The following PIGW variants were observed in gnomAD, a reference collection of about 807,000 sequenced individuals.
PIGW encodes the protein glucosaminyl-phosphatidylinositol-acyltransferase PIGW.
A neutral mutation model predicts 34.0 loss-of-function variants in PIGW; 23 were observed. The ratio of observed to expected loss-of-function variants is 0.68; its 90% CI spans 0.49 to 0.96. PIGW has a LOEUF of 0.96. Ranked by LOEUF, PIGW falls within the 40% of genes least tolerant of loss-of-function variation. The probability of loss-of-function intolerance (pLI) is 0.00; values close to 1 mark genes in which losing one functional copy is unlikely to be tolerated. For synonymous variants in PIGW, 225 were observed against 225.2 expected (o/e 1.00, Z 0.01); for missense variants, 574 against 586.3 (o/e 0.98, Z 0.22).
chr17:36,538,342 T>G lies in PIGW; in HGVS notation c.1241T>G (p.Ile414Ser), dbSNP rs201893415. 1 of 1,614,190 alleles carries G rather than the reference T, an allele frequency of 6.2e-7. No individual in the cohort carries two copies. Among genetic ancestry groups the G allele is most frequent in the Admixed American group, 1.7e-5 (1 of 60,020 alleles). ...CTAGTACCATGTTCTTGGAAACTTA[T>G]CCAGTCACCTGTTACAAATAAAAAG... ...GALVPCSWKL[I>S]QSPVTNKKHS... is the part of the protein sequence containing the mutation. Residue 414 changes from isoleucine to serine, a missense_variant, in exon 2 of 2, where the codon ATC becomes AGC. Physicochemically the swap from Ile to Ser is moderately radical, Grantham distance 142. Transcript: ENST00000614443.
At chr17:36,537,013 A>G (rs765156151) in intron 1 of PIGW, 81 bp from the exon 2 acceptor site, 12 of 1,212,354 alleles carry the variant, frequency 9.9e-6, no homozygotes, top group African/African-American at 3.1e-5. Context: ...TCTAGTAATA[A>G]GAGTAAAATT....
At position 36,537,456 on chromosome 17, in the gene PIGW, A is replaced by G. The variant is rs755060409; in HGVS notation, c.355A>G (p.Ile119Val). 2.5e-6 allele frequency: 4 copies of G among 1,613,880 alleles called. No individual in the cohort carries two copies. The highest frequency in any genetic ancestry group is 1.3e-5 in the African/African-American group (1 of 74,878). Residue 119 changes from isoleucine (I) to valine (V), a missense_variant, in exon 2 of 2, where the codon ATC becomes GTC. Coordinates refer to ENST00000614443, the MANE Select transcript of PIGW (RefSeq NM_001346754.2). ...AAAAATCCTTGAAAAATTCTTGAAC[A>G]TCAGTCTAGAATCAGAATACAATCC... ...FLKILEKFLN[I>V]SLESEYNPAI...
rs2074158884 is a variant in PIGW, at chr17:36,537,510, A to G, written c.409A>G (p.Ser137Gly). 1 of 1,613,994 alleles carries G rather than the reference A, an allele frequency of 6.2e-7. No individual in the cohort carries two copies. Among genetic ancestry groups the G allele is most frequent in the South Asian group, 1.1e-5 (1 of 91,086 alleles). The change falls in exon 2 of 2, where the codon AGT (serine) becomes GGT (glycine). Residue 137 changes from serine (S) to glycine (G), a missense_variant. Ser to Gly is a moderately conservative substitution (Grantham distance 56). Coordinates refer to ENST00000614443, the MANE Select transcript of PIGW (RefSeq NM_001346754.2). ...PAISCFRVIT[S>G]AFTAIAILAV... is the part of the protein sequence containing the mutation. ...CATCTCCTGTTTCCGTGTAATTACC[A>G]GTGCGTTTACTGCTATTGCTATTTT... is the stretch of plus-strand genomic sequence containing the variant.
In PIGW at chr17:36,538,185, G is replaced by A; in HGVS notation, c.1084G>A (p.Glu362Lys). 1 of 1,613,702 alleles carries A rather than the reference G, an allele frequency of 6.2e-7. No homozygotes were observed. The highest frequency in any genetic ancestry group is 1.7e-5 in the Admixed American group (1 of 60,028). ...TCTTTACGTAGTTCAAGTAAATGTA[G>A]AAGCAGTATCTCGAAGAATGGCAAA... ...ISLYVVQVNV[E>K]AVSRRMANLA... The change falls in exon 2 of 2, where the codon GAA (glutamate) becomes AAA (lysine). Residue 362 changes from glutamate (E) to lysine (K), a missense_variant. Transcript: ENST00000614443.
Position 36,538,748 on chromosome 17 carries a change from T to A in PIGW, c.*132T>A. 1 of 780,712 alleles carries A rather than the reference T, an allele frequency of 1.3e-6. No homozygotes were observed. The highest frequency in any genetic ancestry group is 2.1e-5 in the South Asian group (1 of 47,252). The allele number at this position is 780,712 out of a possible 1,614,324, so 48.4% of individuals were successfully genotyped here. A position where few individuals can be genotyped will look rare whatever the true frequency, so the allele number is the denominator to read the frequency against. ...ATAGTTTCAGTCATCTAAACAGCAG[T>A]GATGCTTAATTATTTTTTTTTTTGA... On this transcript the variant is annotated 3_prime_UTR_variant, in exon 2 of 2. Transcript: ENST00000614443.
At position 36,535,060 on chromosome 17, in the gene PIGW, A is replaced by G. The variant is rs2074054743; in HGVS notation, c.-541A>G. 6.6e-6 allele frequency: 1 copy of G among 152,194 alleles called. No homozygotes were observed. The highest frequency in any genetic ancestry group is 6.5e-5 in the Admixed American group (1 of 15,282). The allele number at this position is 152,194 out of a possible 1,614,324, so 9.4% of individuals were successfully genotyped here. A position where few individuals can be genotyped will look rare whatever the true frequency, so the allele number is the denominator to read the frequency against. On this transcript the variant is annotated 5_prime_UTR_variant, in exon 1 of 2. It removes an upstream start codon present in the reference 5' UTR. Coordinates refer to ENST00000614443, the MANE Select transcript of PIGW (RefSeq NM_001346754.2). ...GCTTGCTGGCTTCAACTACGGTGAGATGTTTTGCGACCCTGGGGTAAAATG... is the reference window on the plus strand; with the variant it reads ...GCTTGCTGGCTTCAACTACGGTGAGGTGTTTTGCGACCCTGGGGTAAAATG...
chr17:36,538,509 C>G lies in PIGW; in HGVS notation c.1408C>G (p.His470Asp). The change falls in exon 2 of 2, where the codon CAC (histidine) becomes GAC (aspartate). Residue 470 changes from histidine (H) to aspartate (D), a missense_variant. Transcript: ENST00000614443. The stretch of plus-strand genomic sequence containing the variant: ...GATCAACCTGATGGTAGATACATTA[C>G]ACAGCAGTACCTTGTGGGCCTTATT... ...GLINLMVDTL[H>D]SSTLWALFVV... 6.2e-7 allele frequency: 1 copy of G among 1,613,906 alleles called. No individual in the cohort carries two copies. Among genetic ancestry groups the G allele is most frequent in the Non-Finnish European group, 8.5e-7 (1 of 1,179,810 alleles).
At chr17:36,536,335 A>G (rs2074121197) in intron 1 of PIGW, among the ~76,000 whole-genome samples, 1 of 152,106 alleles carries the variant, frequency 6.6e-6, no homozygotes, top group South Asian at 2.1e-4. Context: ...AAGGCCCCCA[A>G]CTTCAAAATG....
rs775786836 is a variant in PIGW at position 36,537,743 on chromosome 17, C to G, written c.642C>G (p.Ile214Met). Reference sequence around the variant, plus strand: ...TTTGGCCATTAGTCTTCCTAGGAATCGGACGATTAGCCATTATAAAATCAA... The same window carrying G: ...TTTGGCCATTAGTCTTCCTAGGAATGGGACGATTAGCCATTATAAAATCAA... The part of the protein sequence containing the change: ...YSVWPLVFLG[I>M]GRLAIIKSIG... The change falls in exon 2 of 2, where the codon ATC becomes ATG. Residue 214 changes from isoleucine (I) to methionine (M), a missense_variant. Transcript: ENST00000614443. 2 of 1,613,968 alleles carry G rather than the reference C, an allele frequency of 1.2e-6. No individual in the cohort carries two copies. Among genetic ancestry groups the G allele is most frequent in the East Asian group, 2.2e-5 (1 of 44,894 alleles).
chr17:36,537,218 G>A lies in PIGW; in HGVS notation c.117G>A (p.Leu39=). 1 of 1,614,170 alleles carries A rather than the reference G, an allele frequency of 6.2e-7. No individual in the cohort carries two copies. Among genetic ancestry groups the A allele is most frequent in the Non-Finnish European group, 8.5e-7 (1 of 1,180,024 alleles). ...TCTGTATCCTGTGCAGAGGGTTCCT[G>A]ATCATTTTCTCACAGTACTTGTGTT... ...PAFCILCRGF[L]IIFSQYLCSF... is the part of the protein sequence containing the mutation. The change falls in exon 2 of 2, where the codon CTG becomes CTA. Residue 39 remains leucine (L), a synonymous_variant. Transcript: ENST00000614443.
chr17:36,535,877 C>T (rs547386342), intron 1 of PIGW, among the ~76,000 whole-genome samples: 3 of 151,596 alleles, frequency 2.0e-5, no homozygotes, highest in African/African-American at 7.3e-5. Flanking sequence ...CCTCCCAAAG[C>T]GCTAGGATTG....
Position 36,537,140 on chromosome 17 carries a change from C to A in PIGW, c.39C>A (p.Asn13Lys). 1 of 1,609,906 alleles carries A rather than the reference C, an allele frequency of 6.2e-7. No individual in the cohort carries two copies. The highest frequency in any genetic ancestry group is 1.7e-5 in the Admixed American group (1 of 58,972). ...AGATGAAGGAAGCTTTTGTCAGTAA[C>A]CTCAATGGAACCACCGTGCTGGAAA... ...EKQMKEAFVSNLNGTTVLEIT... is the reference protein window; with the variant it reads ...EKQMKEAFVSKLNGTTVLEIT... Residue 13 changes from asparagine to lysine, a missense_variant, in exon 2 of 2, where the codon AAC (asparagine) becomes AAA (lysine). By Grantham distance (94) the Asn-to-Lys change is moderately conservative. Transcript: ENST00000614443.
rs1425207054 is a variant in PIGW, at chr17:36,535,430, C to G, written c.-171C>G. On this transcript the variant is annotated 5_prime_UTR_variant, in exon 1 of 2. Transcript: ENST00000614443. ...GCACGAGCGCCATGATGGGCGGAGA[C>G]GCGCGGAATCGGCCGGCCCGGAAGT... 6.6e-6 allele frequency: 1 copy of G among 152,242 alleles called. No individual in the cohort carries two copies. The highest frequency in any genetic ancestry group is 6.5e-5 in the Admixed American group (1 of 15,280). 9.4% of individuals were successfully genotyped at this position (152,242 alleles called of 1,614,324 possible).
At position 36,537,335 on chromosome 17, in the gene PIGW, T is replaced by C. The variant is rs767714420; in HGVS notation, c.234T>C (p.Phe78=). ...MVATLTIWAS[F]ILLELLGVII... ...CCACTTTGACCATTTGGGCTTCATT[T>C]ATCCTCCTTGAGCTTCTCGGTGTAA... The change falls in exon 2 of 2, where the codon TTT becomes TTC. Residue 78 remains phenylalanine (F), a synonymous_variant. Transcript: ENST00000614443. 4 of 1,613,952 alleles carry C rather than the reference T, an allele frequency of 2.5e-6. No individual in the cohort carries two copies. In the African/African-American group the frequency reaches 4.0e-5, roughly 16 times the overall value.
chr17:36,538,113 A>AATC lies in PIGW; in HGVS notation c.1013_1014insTCA (p.Lys338delinsAsnGln). Reference sequence around the variant, plus strand: ...CCGATCACATATCAAAGACTTGATAAAAGTAGCCTGTTTTCTTTTACTGGC... The same window carrying AATC: ...CCGATCACATATCAAAGACTTGATAAATCAAGTAGCCTGTTTTCTTTTACTGGC... On this transcript the variant is annotated protein_altering_variant, in exon 2 of 2. Transcript: ENST00000614443. 6.2e-7 allele frequency: 1 copy of AATC among 1,614,230 alleles called. No individual in the cohort carries two copies. Among genetic ancestry groups the AATC allele is most frequent in the Non-Finnish European group, 8.5e-7 (1 of 1,180,052 alleles).
Position 36,537,895 on chromosome 17 carries a change from C to A in PIGW, c.794C>A (p.Ala265Asp). 1.2e-6 allele frequency: 2 copies of A among 1,613,960 alleles called. No homozygotes were observed. The highest frequency in any genetic ancestry group is 1.7e-6 in the Non-Finnish European group (2 of 1,179,950). The change falls in exon 2 of 2, where the codon GCC (alanine) becomes GAC (aspartate). Residue 265 changes from alanine to aspartate, a missense_variant. Ala to Asp is a moderately radical substitution (Grantham distance 126). Coordinates refer to ENST00000614443, the MANE Select transcript of PIGW (RefSeq NM_001346754.2). ...IFPLNKSWII[A>D]LGITVLYQLA... ...CCCCTAAATAAGTCCTGGATTATTGCCCTCGGCATTACTGTATTATACCAG... is the reference window on the plus strand; with the variant it reads ...CCCCTAAATAAGTCCTGGATTATTGACCTCGGCATTACTGTATTATACCAG...
In PIGW at chr17:36,538,788, C is replaced by T. The variant is rs2074178368; in HGVS notation, c.*172C>T. On this transcript the variant is annotated 3_prime_UTR_variant, in exon 2 of 2. Coordinates refer to ENST00000614443, the MANE Select transcript of PIGW (RefSeq NM_001346754.2). Reference sequence around the variant, plus strand: ...TTTTTTTTTGAGACAGAGTCTTGCTCTGTTACCCAGGCTGGAGTGTAGTGG... The same window carrying T: ...TTTTTTTTTGAGACAGAGTCTTGCTTTGTTACCCAGGCTGGAGTGTAGTGG... The T allele has an allele frequency of 1.6e-6, 1 of 623,672 alleles. No individual in the cohort carries two copies. Among genetic ancestry groups the T allele is most frequent in the Admixed American group, 3.5e-5 (1 of 28,908 alleles). 38.6% of individuals were successfully genotyped at this position (623,672 alleles called of 1,614,324 possible).
rs919395482 is a variant in PIGW, at chr17:36,535,422, G to A, written c.-179G>A. On this transcript the variant is annotated 5_prime_UTR_variant, in exon 1 of 2. Transcript: ENST00000614443. ...GGACACTGGCACGAGCGCCATGATGGGCGGAGACGCGCGGAATCGGCCGGC... is the reference window on the plus strand; with the variant it reads ...GGACACTGGCACGAGCGCCATGATGAGCGGAGACGCGCGGAATCGGCCGGC... The A allele has an allele frequency of 8.5e-4, 129 of 152,408 alleles. No homozygotes were observed. Among genetic ancestry groups the A allele is most frequent in the African/African-American group, 3.1e-3 (128 of 41,590 alleles). 9.4% of individuals were successfully genotyped at this position (152,408 alleles called of 1,614,324 possible).
rs767565646 is a variant in PIGW, at chr17:36,538,507, T to C, written c.1406T>C (p.Leu469Ser). Reference protein sequence around the residue: ...TGLINLMVDTLHSSTLWALFV... With the variant: ...TGLINLMVDTSHSSTLWALFV... ...CTGATCAACCTGATGGTAGATACAT[T>C]ACACAGCAGTACCTTGTGGGCCTTA... Residue 469 changes from leucine (L) to serine (S), a missense_variant, in exon 2 of 2, where the codon TTA becomes TCA. By Grantham distance (145) the Leu-to-Ser change is moderately radical. Coordinates refer to ENST00000614443, the MANE Select transcript of PIGW (RefSeq NM_001346754.2). 1.9e-6 allele frequency: 3 copies of C among 1,613,998 alleles called. No homozygotes were observed. In the East Asian group the frequency reaches 6.7e-5, roughly 36 times the overall value.
Sources: gnomAD v4.1 joint callset for allele counts (sites outside exome capture counted in the v4.1 genomes callset) on GRCh38, gnomAD v4.1.1 for gene constraint, MANE v1.5 for transcripts, NCBI Gene and HGNC (gene_info 2026-07-23, HGNC 2026-07-21) for gene names.